Variants in GSK3B observed in about 807,000 individuals in gnomAD.
The protein encoded by GSK3B is glycogen synthase kinase-3 beta.
A neutral mutation model predicts 56.4 loss-of-function variants in GSK3B; 15 were observed. That is an observed-to-expected ratio of 0.27 (90% CI 0.18 to 0.41). The LOEUF (loss-of-function observed/expected upper bound fraction) is 0.41. GSK3B is among the 10% of genes least tolerant of loss of function. The pLI is 1.00. For synonymous variants in GSK3B, 181 were observed against 188.9 expected, an observed-to-expected ratio of 0.96 and a Z score of 0.34; for missense variants, 300 against 513.4, an observed-to-expected ratio of 0.58 and a Z score of 4.02.
chr3:119,904,549 C>A (rs193014471), intron 7 of GSK3B, among the ~76,000 whole-genome samples: 1 of 152,172 alleles, frequency 6.6e-6, no homozygotes, highest in East Asian at 1.9e-4. Flanking sequence ...CTAGCAAAAC[C>A]ACCTTTGATT....
At chr3:119,867,757 AT>A (rs1327623820) in intron 8 of GSK3B, among the ~76,000 whole-genome samples, 1 of 152,188 alleles carries the variant, frequency 6.6e-6, no homozygotes, top group Non-Finnish European at 1.5e-5. Context: ...AGAATTTAAC[AT>A]TCTTTTAGGA....
chr3:119,911,973 T>A (rs2056739022), intron 6 of GSK3B, among the ~76,000 whole-genome samples: 1 of 152,172 alleles, frequency 6.6e-6, no homozygotes, highest in Admixed American at 6.5e-5. Context: ...TTCATTGGAG[T>A]AGCACTTTAA....
rs183675338 is a variant in GSK3B, at chr3:119,825,911, C to A, written c.*877G>T. The A allele has an allele frequency of 4.6e-6, 1 of 216,022 alleles. No homozygotes were observed. The highest frequency in any genetic ancestry group is 5.8e-5 in the Admixed American group (1 of 17,194). The allele number at this position is 216,022 out of a possible 1,614,324, so 13.4% of individuals were successfully genotyped here. A position where few individuals can be genotyped will look rare whatever the true frequency, so the allele number is the denominator to read the frequency against. On this transcript the variant is annotated 3_prime_UTR_variant, in exon 11 of 11. Coordinates refer to ENST00000264235, the MANE Select transcript of GSK3B (RefSeq NM_001146156.2). Reference sequence around the variant, plus strand: ...ACCTGTCCCCTTCCTCTGGGCTCATCAGCCTTTGACCTCAGCAGCTAGCTC... The same window carrying A: ...ACCTGTCCCCTTCCTCTGGGCTCATAAGCCTTTGACCTCAGCAGCTAGCTC...
At chr3:119,904,983 G>T (rs1402727491) in intron 7 of GSK3B, among the ~76,000 whole-genome samples, 11 of 147,746 alleles carry the variant, frequency 7.4e-5, no homozygotes, top group African/African-American at 2.7e-4. Context: ...TTAAGTAAAG[G>T]GACTTCCTTT....
chr3:120,011,727 T>C (rs2057780083), intron 1 of GSK3B, among the ~76,000 whole-genome samples: 2 of 152,316 alleles, frequency 1.3e-5, no homozygotes, highest in African/African-American at 2.4e-5. Context: ...GGTCAGCAAC[T>C]AGCGTGCCAA....
chr3:120,040,309 T>C (rs1166655331), intron 1 of GSK3B, among the ~76,000 whole-genome samples: 2 of 152,174 alleles, frequency 1.3e-5, no homozygotes, highest in South Asian at 2.1e-4. Flanking sequence ...GGGCGGCCCT[T>C]TGGGGATCCT....
intron 2 of GSK3B, among the ~76,000 whole-genome samples, chr3:119,958,959 G>A (rs1288949169): frequency 6.6e-6 from 1 of 152,006 alleles, no homozygotes; most frequent in African/African-American, 2.4e-5. Context: ...TATATCCCCT[G>A]GAATACAACA....
rs1428143706 is a variant in GSK3B, at chr3:120,046,846, A to C, written c.89-44607T>G. Among the ~76,000 whole-genome samples, 3 of 152,088 alleles carry C rather than the reference A, an allele frequency of 2.0e-5. No individual in the cohort carries two copies. The East Asian group carries it at 5.8e-4, about 29-fold the overall frequency. ...GGCCGTTCTCGAACTCCTAACCTCAAGTGATCTGCCCGCCTCGGCCTCCCA... is the reference window on the plus strand; with the variant it reads ...GGCCGTTCTCGAACTCCTAACCTCACGTGATCTGCCCGCCTCGGCCTCCCA... On this transcript the variant is annotated intron_variant, in intron 1 of 10. Coordinates refer to ENST00000264235, the MANE Select transcript of GSK3B (RefSeq NM_001146156.2).
At chr3:120,054,702 T>C (rs192588818) in intron 1 of GSK3B, among the ~76,000 whole-genome samples, 1 of 152,298 alleles carries the variant, frequency 6.6e-6, no homozygotes, top group African/African-American at 2.4e-5. Context: ...CACCTACTTA[T>C]GCTACACTGC....
chr3:119,849,520 T>C (rs930430551), intron 9 of GSK3B, among the ~76,000 whole-genome samples: 1 of 152,224 alleles, frequency 6.6e-6, no homozygotes, highest in Non-Finnish European at 1.5e-5. Flanking sequence ...GTATCAGTGG[T>C]CTGTGGTCCC....
intron 7 of GSK3B, among the ~76,000 whole-genome samples, chr3:119,893,687 C>A (rs2056529584): frequency 6.6e-6 from 1 of 152,090 alleles, no homozygotes; most frequent in African/African-American, 2.4e-5. Flanking sequence ...CTCTTTCTTG[C>A]CTGTCATTTA....
intron 1 of GSK3B, among the ~76,000 whole-genome samples, chr3:120,061,174 G>A (rs1025491401): frequency 7.2e-5 from 11 of 152,130 alleles, no homozygotes; most frequent in African/African-American, 2.4e-4. Flanking sequence ...TTAAAGATGC[G>A]TGAGGAATTT....
chr3:120,013,630 T>C (rs969954043), intron 1 of GSK3B, among the ~76,000 whole-genome samples: 4 of 152,154 alleles, frequency 2.6e-5, no homozygotes, highest in African/African-American at 4.8e-5. Context: ...ACACCGCCCA[T>C]GAATACACAG....
At chr3:120,046,067 G>GGGATGGGAGGAGGT (rs140717163) in intron 1 of GSK3B, among the ~76,000 whole-genome samples, 1 of 151,988 alleles carries the variant, frequency 6.6e-6, no homozygotes, top group South Asian at 2.1e-4. Flanking sequence ...TGGTGGCCAG[G>GGGATGGGAGGAGGT]GGATGGGAGG....
At chr3:119,830,605 G>C (rs1419290440) in intron 10 of GSK3B, among the ~76,000 whole-genome samples, 1 of 152,146 alleles carries the variant, frequency 6.6e-6, no homozygotes, top group Non-Finnish European at 1.5e-5. Context: ...GAGAGGCTAA[G>C]ATCATTTTCA....
chr3:119,905,986 A>G (rs2056678841), intron 6 of GSK3B, 134 bp from the exon 7 acceptor site: 1 of 603,716 alleles, frequency 1.7e-6, no homozygotes, highest in Non-Finnish European at 3.0e-6. Flanking sequence ...CAAAACAGAG[A>G]AAAAGTCATC....
intron 9 of GSK3B, among the ~76,000 whole-genome samples, chr3:119,855,160 C>A (rs2056000138): frequency 6.6e-6 from 1 of 152,144 alleles, no homozygotes; most frequent in Admixed American, 6.5e-5. Context: ...TTTATTTCTG[C>A]CTTCATTTTG....
intron 9 of GSK3B, among the ~76,000 whole-genome samples, chr3:119,848,256 T>G (rs1209694155): frequency 6.6e-6 from 1 of 152,208 alleles, no homozygotes; most frequent in Non-Finnish European, 1.5e-5. Context: ...GCTTGTTACT[T>G]AAGTATTTAG....
chr3:119,949,793 C>CAAAA (rs927567102), intron 2 of GSK3B, among the ~76,000 whole-genome samples: 34 of 62,064 alleles, frequency 5.5e-4, no homozygotes, highest in African/African-American at 1.1e-3. Context: ...GACTCCGTCT[C>CAAAA]AAAAAAAAAA....
Sources: allele counts gnomAD v4.1 joint callset (sites outside exome capture counted in the v4.1 genomes callset), GRCh38; gene constraint gnomAD v4.1.1; transcripts MANE v1.5; gene names NCBI Gene and HGNC (gene_info 2026-07-23, HGNC 2026-07-21).